The following R3HDM2 variants were observed in gnomAD, a reference collection of about 807,000 sequenced individuals.
The protein encoded by R3HDM2 is R3H domain-containing protein 2.
Under a neutral mutation model 124.5 loss-of-function variants are expected in R3HDM2, and 38 were observed. The observed-to-expected ratio is 0.31, with a 90% CI of 0.24 to 0.40. R3HDM2 has a LOEUF of 0.40. Ranked by LOEUF, R3HDM2 falls within the 10% of genes least tolerant of loss-of-function variation. The pLI is 1.00. For synonymous variants in R3HDM2, 391 were observed against 448.0 expected (o/e 0.87, Z 1.61); for missense variants, 869 against 1,236.9 (o/e 0.70, Z 4.46).
chr12:57,266,665 G>T, intron 19 of R3HDM2, 66 bp downstream of exon 19: 1 of 1,310,208 alleles, frequency 7.6e-7, no homozygotes, highest in Non-Finnish European at 1.1e-6. Flanking sequence ...CAGCTCTAGA[G>T]CACAGGCCCT....
At chr12:57,359,779 T>TA (rs1235148544) in intron 2 of R3HDM2, among the ~76,000 whole-genome samples, 1 of 151,916 alleles carries the variant, frequency 6.6e-6, no homozygotes, top group East Asian at 1.9e-4. Context: ...AATTAAGCAT[T>TA]CTTATGATTC....
At chr12:57,267,169 AAG>A (rs2042618521) in intron 18 of R3HDM2, among the ~76,000 whole-genome samples, 1 of 152,166 alleles carries the variant, frequency 6.6e-6, no homozygotes, top group South Asian at 2.1e-4. Flanking sequence ...AACACAGACA[AAG>A]AGAGTGTCAC....
In R3HDM2 at chr12:57,256,413, C is replaced by A; in HGVS notation, c.2547+1G>T. ...CTACAGTTGCTGGTGGACACCCTTA[C>A]CTGGTGCACCGTGTAAGTTGACTGG... On this transcript the variant is annotated splice_donor_variant, in intron 22 of 23. Coordinates refer to ENST00000402412, the MANE Select transcript of R3HDM2 (RefSeq NM_001394031.1). LOFTEE classifies it high-confidence loss of function. 6.3e-7 allele frequency: 1 copy of A among 1,575,976 alleles called. No homozygotes were observed.
At chr12:57,422,093 CAAAAAA>C (rs35439340) in intron 1 of R3HDM2, among the ~76,000 whole-genome samples, 36 of 74,378 alleles carry the variant, frequency 4.8e-4, no homozygotes, top group Middle Eastern at 0.018. Flanking sequence ...CTCCGCCTAG[CAAAAAA>C]AAAAAAAAAA....
rs749689397 is a variant in R3HDM2, at chr12:57,256,407, C to T, written c.2547+7G>A. The T allele has an allele frequency of 1.2e-5, 19 of 1,564,834 alleles. No homozygotes were observed. Among genetic ancestry groups the T allele is most frequent in the Non-Finnish European group, 1.5e-5 (17 of 1,151,224 alleles). Reference sequence around the variant, plus strand: ...ATGGCCCTACAGTTGCTGGTGGACACCCTTACCTGGTGCACCGTGTAAGTT... The same window carrying T: ...ATGGCCCTACAGTTGCTGGTGGACATCCTTACCTGGTGCACCGTGTAAGTT... On this transcript the variant is annotated splice_region_variant and intron_variant, in intron 22 of 23. Transcript: ENST00000402412.
chr12:57,317,071 G>A lies in R3HDM2; in HGVS notation c.-35-6608C>T, dbSNP rs866243744. The stretch of plus-strand genomic sequence containing the variant: ...CTAATTTTTGTATTTTTGTAGAGAT[G>A]GGGTTTTGCCATGTTGGCCAGCCTG... On this transcript the variant is annotated intron_variant, in intron 2 of 23. Transcript: ENST00000402412. 7.2e-5 allele frequency among the ~76,000 whole-genome samples: 11 copies of A among 152,028 alleles called. No individual in the cohort carries two copies. In the South Asian group the frequency reaches 2.3e-3, roughly 32 times the overall value.
At position 57,404,848 on chromosome 12, in the gene R3HDM2, TCTG is replaced by T. The variant is rs1209435288; in HGVS notation, c.-105-9033_-105-9031del. On this transcript the variant is annotated intron_variant, in intron 1 of 23. Transcript: ENST00000402412. Reference sequence around the variant, plus strand: ...GCTTGAAAAACATAATGAGACCCCATCTGTATTTGTAAAATACAGATTTTACAA... The same window carrying T: ...GCTTGAAAAACATAATGAGACCCCATTATTTGTAAAATACAGATTTTACAA... 9.2e-5 allele frequency among the ~76,000 whole-genome samples: 14 copies of T among 151,876 alleles called. No individual in the cohort carries two copies. The East Asian group carries it at 2.7e-3, about 29-fold the overall frequency.
At position 57,254,294 on chromosome 12, in the gene R3HDM2, AG is replaced by A; in HGVS notation, c.*478del. Reference sequence around the variant, plus strand: ...GGCAGGTGGATCACCTGAGGTCAGGAGTTTGAGGCCAGCCTGGCCAACATGG... The same window carrying A: ...GGCAGGTGGATCACCTGAGGTCAGGATTTGAGGCCAGCCTGGCCAACATGG... On this transcript the variant is annotated 3_prime_UTR_variant, in exon 24 of 24. Transcript: ENST00000402412. 1 of 439,680 alleles carries A rather than the reference AG, an allele frequency of 2.3e-6. No individual in the cohort carries two copies. The allele number at this position is 439,680 out of a possible 1,614,324, so 27.2% of individuals were successfully genotyped here. A position where few individuals can be genotyped will look rare whatever the true frequency, so the allele number is the denominator to read the frequency against.
At chr12:57,343,253 C>T (rs1237239280) in intron 2 of R3HDM2, among the ~76,000 whole-genome samples, 2 of 147,136 alleles carry the variant, frequency 1.4e-5, no homozygotes, top group Non-Finnish European at 3.0e-5. Context: ...TCCAATGGCG[C>T]GATCTTGGCT....
chr12:57,283,134 A>G (rs1471452922), intron 13 of R3HDM2, among the ~76,000 whole-genome samples: 1 of 152,200 alleles, frequency 6.6e-6, no homozygotes, highest in Non-Finnish European at 1.5e-5. Flanking sequence ...ACAAACTACT[A>G]AACTCTAAGG....
intron 18 of R3HDM2, among the ~76,000 whole-genome samples, chr12:57,267,440 A>C (rs1261702184): frequency 6.6e-6 from 1 of 152,198 alleles, no homozygotes; most frequent in Admixed American, 6.5e-5. Flanking sequence ...CTGTAGTCCC[A>C]GCTACTCAGG....
chr12:57,266,752 G>C lies in R3HDM2; in HGVS notation c.2110C>G (p.Gln704Glu). The C allele has an allele frequency of 1.2e-6, 2 of 1,601,728 alleles. No homozygotes were observed. Among genetic ancestry groups the C allele is most frequent in the Non-Finnish European group, 1.7e-6 (2 of 1,168,874 alleles). Reference sequence around the variant, plus strand: ...TTACCTGAGTACTGCTGTGGCATCTGTGGTGGACTGCAGGGAGAGGGAGAC... The same window carrying C: ...TTACCTGAGTACTGCTGTGGCATCTCTGGTGGACTGCAGGGAGAGGGAGAC... ...PQSPSPCSPP[Q>E]MPQQYSGVSP... is the part of the protein sequence containing the mutation. The change falls in exon 19 of 24, where the codon CAG (glutamine) becomes GAG (glutamate). Residue 704 changes from glutamine (Q) to glutamate (E), a missense_variant. By Grantham distance (29) the Gln-to-Glu change is conservative. Around this residue, in one of 2 missense-constraint regions of R3HDM2, gnomAD observed 602 missense variants for 789.2 expected, o/e 0.76. Coordinates refer to ENST00000402412, the MANE Select transcript of R3HDM2 (RefSeq NM_001394031.1).
chr12:57,306,173 T>C (rs947879668), intron 3 of R3HDM2, among the ~76,000 whole-genome samples: 1 of 152,184 alleles, frequency 6.6e-6, no homozygotes, highest in Admixed American at 6.5e-5. Context: ...AATCAGATAA[T>C]GCTGATGCAT....
intron 1 of R3HDM2, among the ~76,000 whole-genome samples, chr12:57,424,812 C>T (rs181335474): frequency 2.6e-5 from 4 of 152,130 alleles, no homozygotes; most frequent in Admixed American, 6.6e-5. Context: ...TCAAGCAATC[C>T]TCCCGCCTCA....
In R3HDM2 at chr12:57,254,976, C is replaced by A. The variant is rs772187681; in HGVS notation, c.2770G>T (p.Gly924Cys). Residue 924 changes from glycine to cysteine, a missense_variant, in exon 24 of 24, where the codon GGT becomes TGT. By Grantham distance (159) the Gly-to-Cys change is radical. Around this residue, in one of 2 missense-constraint regions of R3HDM2, gnomAD observed 602 missense variants for 789.2 expected, o/e 0.76. Transcript: ENST00000402412. ...GCAGTCCCACTGTTGTCCCCCCCAC[C>A]CCCTCCAGGCAGCCCCTGAGCATCC... Reference protein sequence around the residue: ...LKDAQGLPGGGGGDNSGTAEN... With the variant: ...LKDAQGLPGGCGGDNSGTAEN... 6.2e-7 allele frequency: 1 copy of A among 1,612,522 alleles called. No individual in the cohort carries two copies. The highest frequency in any genetic ancestry group is 8.5e-7 in the Non-Finnish European group (1 of 1,178,588).
chr12:57,369,204 C>T (rs1260192814), intron 2 of R3HDM2, among the ~76,000 whole-genome samples: 1 of 152,142 alleles, frequency 6.6e-6, no homozygotes, highest in African/African-American at 2.4e-5. Flanking sequence ...GTAGCTCCAC[C>T]TCTTAAAAGG....
intron 1 of R3HDM2, among the ~76,000 whole-genome samples, chr12:57,397,191 T>G (rs1405117416): frequency 6.6e-6 from 1 of 152,206 alleles, no homozygotes; most frequent in Non-Finnish European, 1.5e-5. Flanking sequence ...AGGCAGAATT[T>G]TATTCTGTGA....
intron 1 of R3HDM2, among the ~76,000 whole-genome samples, chr12:57,422,708 A>C (rs1187479823): frequency 1.3e-5 from 2 of 152,158 alleles, no homozygotes; most frequent in Non-Finnish European, 2.9e-5. Flanking sequence ...AGGTGCAGTA[A>C]TTCACATCTA....
chr12:57,350,420 G>T (rs1168430854), intron 2 of R3HDM2, among the ~76,000 whole-genome samples: 3 of 151,768 alleles, frequency 2.0e-5, no homozygotes, highest in African/African-American at 7.3e-5. Context: ...TGAGTGAAGA[G>T]AGATGAAGCC....
Sources: allele counts gnomAD v4.1 joint callset (sites outside exome capture counted in the v4.1 genomes callset), GRCh38; gene constraint gnomAD v4.1.1; regional missense constraint gnomAD v4.1.1; transcripts MANE v1.5; gene names NCBI Gene and HGNC (gene_info 2026-07-23, HGNC 2026-07-21).